Variants in PLA2G4A observed in about 807,000 individuals in gnomAD.
The protein encoded by PLA2G4A is cytosolic phospholipase A2.
A neutral mutation model predicts 81.9 loss-of-function variants in PLA2G4A; 40 were observed. That is an observed-to-expected ratio of 0.49 (90% CI 0.38 to 0.64). PLA2G4A has a LOEUF of 0.64. Ranked by LOEUF, PLA2G4A falls within the 30% of genes least tolerant of loss-of-function variation. The pLI, the probability that PLA2G4A is intolerant of heterozygous loss-of-function variation, is 0.00. For missense variants in PLA2G4A, 715 were observed against 905.1 expected (o/e 0.79, Z 2.69); for synonymous variants, 302 against 296.9 (o/e 1.02, Z -0.18).
At chr1:186,850,930 TA>T (rs142430197) in intron 1 of PLA2G4A, among the ~76,000 whole-genome samples, 1 of 152,232 alleles carries the variant, frequency 6.6e-6, no homozygotes, top group East Asian at 1.9e-4. Context: ...CAATAATTAC[TA>T]CAGATAGTAC....
At chr1:186,902,390 C>T (rs948963807) in intron 5 of PLA2G4A, among the ~76,000 whole-genome samples, 4 of 151,956 alleles carry the variant, frequency 2.6e-5, no homozygotes, top group Admixed American at 6.6e-5. Flanking sequence ...ACAATATCAC[C>T]CCTTATCACA....
At chr1:186,867,040 G>T (rs1179584572) in intron 2 of PLA2G4A, among the ~76,000 whole-genome samples, 1 of 151,942 alleles carries the variant, frequency 6.6e-6, no homozygotes, top group Non-Finnish European at 1.5e-5. Flanking sequence ...CATTGATCTG[G>T]TTTGTTTGTT....
chr1:186,866,376 G>T (rs930263401), intron 2 of PLA2G4A, among the ~76,000 whole-genome samples: 11 of 152,132 alleles, frequency 7.2e-5, no homozygotes, highest in Non-Finnish European at 1.2e-4. Context: ...GAACAGCAAG[G>T]CTGAATTCTA....
At chr1:186,843,932 T>C (rs1652077745) in intron 1 of PLA2G4A, among the ~76,000 whole-genome samples, 2 of 152,200 alleles carry the variant, frequency 1.3e-5, no homozygotes, top group South Asian at 4.1e-4. Context: ...TCTATGTAAT[T>C]ATAATGAGAT....
At chr1:186,847,465 G>T (rs1012896822) in intron 1 of PLA2G4A, among the ~76,000 whole-genome samples, 1 of 151,360 alleles carries the variant, frequency 6.6e-6, no homozygotes, top group Non-Finnish European at 1.5e-5. Context: ...CACATTCCTC[G>T]TTCTGCCATT....
intron 14 of PLA2G4A, among the ~76,000 whole-genome samples, chr1:186,959,558 T>C (rs1248808225): frequency 6.6e-6 from 1 of 152,168 alleles, no homozygotes; most frequent in Non-Finnish European, 1.5e-5. Context: ...AAAAATTTAG[T>C]TCAGTCAGTT....
intron 3 of PLA2G4A, among the ~76,000 whole-genome samples, chr1:186,883,833 G>A (rs182212640): frequency 1.3e-5 from 2 of 152,214 alleles, no homozygotes; most frequent in Middle Eastern, 3.4e-3. Flanking sequence ...ACCGATTAGG[G>A]TAACAGAAGA....
intron 5 of PLA2G4A, among the ~76,000 whole-genome samples, chr1:186,905,225 C>A (rs555126620): frequency 6.3e-4 from 96 of 152,286 alleles, no homozygotes; most frequent in African/African-American, 2.1e-3. Flanking sequence ...TTCTTGAGCA[C>A]TTTCTGTCAT....
chr1:186,884,678 A>C (rs1019771073), intron 3 of PLA2G4A, among the ~76,000 whole-genome samples: 2 of 151,960 alleles, frequency 1.3e-5, no homozygotes, highest in African/African-American at 4.8e-5. Context: ...GGAGTTCGAG[A>C]CCAGGCCTGG....
chr1:186,920,383 C>T (rs1655305065), intron 7 of PLA2G4A, among the ~76,000 whole-genome samples: 1 of 152,154 alleles, frequency 6.6e-6, no homozygotes, highest in South Asian at 2.1e-4. Flanking sequence ...AGTGGAAACT[C>T]CTGTTGCTCT....
At position 186,854,347 on chromosome 1, in the gene PLA2G4A, A is replaced by T; in HGVS notation, c.-8A>T. 6.5e-7 allele frequency: 1 copy of T among 1,549,104 alleles called. No individual in the cohort carries two copies. The highest frequency in any genetic ancestry group is 8.9e-7 in the Non-Finnish European group (1 of 1,121,806). ...AGTGTGAAAACATTTCCTGTAATTG[A>T]AACCAAAATGTCATTTATAGATCCT... On this transcript the variant is annotated 5_prime_UTR_variant, in exon 2 of 18. Transcript: ENST00000367466.
At chr1:186,829,064 T>G (rs191791404) in intron 1 of PLA2G4A, 29 bp downstream of exon 1, 22 of 152,242 alleles carry the variant, frequency 1.4e-4, no homozygotes, top group African/African-American at 3.9e-4. Flanking sequence ...AGCAATATAT[T>G]TATTCTTCCT....
intron 13 of PLA2G4A, among the ~76,000 whole-genome samples, chr1:186,951,623 C>A (rs1656564709): frequency 6.6e-6 from 1 of 152,132 alleles, no homozygotes; most frequent in Non-Finnish European, 1.5e-5. Flanking sequence ...TTCCACTAGG[C>A]ATGGAAGAGC....
In PLA2G4A at chr1:186,978,982, T is replaced by C. The variant is rs919142000; in HGVS notation, c.1961-333T>C. ...ACCAAAAGGCAGGGGAATGGAGTAT[T>C]TAGATTCTAACTCCCTAGAGTCTTT... On this transcript the variant is annotated intron_variant, in intron 16 of 17. Transcript: ENST00000367466. Among the ~76,000 whole-genome samples, 7 of 152,204 alleles carry C rather than the reference T, an allele frequency of 4.6e-5. No homozygotes were observed. The East Asian group carries it at 1.4e-3, about 29-fold the overall frequency.
chr1:186,891,194 A>G (rs1654124727), intron 3 of PLA2G4A, among the ~76,000 whole-genome samples: 1 of 151,798 alleles, frequency 6.6e-6, no homozygotes, highest in South Asian at 2.1e-4. Context: ...GTAGGTGTAT[A>G]TATTTATGGG....
At chr1:186,850,058 T>G (rs1261155469) in intron 1 of PLA2G4A, among the ~76,000 whole-genome samples, 1 of 152,114 alleles carries the variant, frequency 6.6e-6, no homozygotes, top group Non-Finnish European at 1.5e-5. Context: ...TTTTGCAATC[T>G]TTTGCACTAG....
At chr1:186,966,087 G>A (rs1401858127) in intron 15 of PLA2G4A, among the ~76,000 whole-genome samples, 2 of 138,428 alleles carry the variant, frequency 1.4e-5, no homozygotes, top group Non-Finnish European at 3.1e-5. Flanking sequence ...GCAGAAATCA[G>A]ACCAGAGTGG....
Position 186,832,619 on chromosome 1 carries a change from T to A in PLA2G4A, c.-70+3584T>A, listed in dbSNP as rs536357311. Among the ~76,000 whole-genome samples the A allele has an allele frequency of 7.9e-5, 12 of 152,368 alleles. No homozygotes were observed. In the South Asian group the frequency reaches 2.1e-3, roughly 26 times the overall value. ...TGATATACGAAAATAGTATCTTGTTTAAATTTACATTTCTTTGTTGAACAA... is the reference window on the plus strand; with the variant it reads ...TGATATACGAAAATAGTATCTTGTTAAAATTTACATTTCTTTGTTGAACAA... On this transcript the variant is annotated intron_variant, in intron 1 of 17. Coordinates refer to ENST00000367466, the MANE Select transcript of PLA2G4A (RefSeq NM_024420.3).
chr1:186,965,676 T>G (rs189098080), intron 15 of PLA2G4A, 83 bp downstream of exon 15: 752 of 948,950 alleles, frequency 7.9e-4, no homozygotes, highest in Non-Finnish European at 1.1e-3. Flanking sequence ...TTGACTCCAG[T>G]TTCTTATTCC....
Sources: gnomAD v4.1 joint callset for allele counts (sites outside exome capture counted in the v4.1 genomes callset) on GRCh38, gnomAD v4.1.1 for gene constraint, MANE v1.5 for transcripts, NCBI Gene and HGNC (gene_info 2026-07-23, HGNC 2026-07-21) for gene names.